The following NDST3 variants were observed in gnomAD, a reference collection of about 807,000 sequenced individuals.
The protein encoded by NDST3 is bifunctional heparan sulfate N-deacetylase/N-sulfotransferase 3.
In NDST3, 58 loss-of-function variants were observed where a neutral mutation model predicts 96.1. The observed-to-expected ratio is 0.60, with a 90% CI of 0.49 to 0.75. The LOEUF (loss-of-function observed/expected upper bound fraction) is 0.75. Ranked by LOEUF, NDST3 falls within the 30% of genes least tolerant of loss-of-function variation. The pLI is 0.00. For missense variants in NDST3, 788 were observed against 1,034.2 expected, an observed-to-expected ratio of 0.76 and a Z score of 3.27; for synonymous variants, 333 against 359.7, an observed-to-expected ratio of 0.93 and a Z score of 0.84.
intron 2 of NDST3, among the ~76,000 whole-genome samples, chr4:118,094,296 T>G (rs1729120099): frequency 1.3e-5 from 2 of 151,876 alleles, no homozygotes; most frequent in South Asian, 4.1e-4. Flanking sequence ...TTCCCCCAAC[T>G]TGCATCCAAA....
chr4:118,238,345 G>T (rs532989878), intron 10 of NDST3, among the ~76,000 whole-genome samples: 1 of 152,008 alleles, frequency 6.6e-6, no homozygotes, highest in Non-Finnish European at 1.5e-5. Context: ...GCACAAAAAC[G>T]ATCACTTTGA....
chr4:118,233,108 G>C lies in NDST3; in HGVS notation c.1916G>C (p.Arg639Thr). 6.2e-7 allele frequency: 1 copy of C among 1,612,500 alleles called. No individual in the cohort carries two copies. Among genetic ancestry groups the C allele is most frequent in the African/African-American group, 1.3e-5 (1 of 75,016 alleles). Residue 639 changes from arginine (R) to threonine (T), a missense_variant, in exon 9 of 14, where the codon AGA (arginine) becomes ACA (threonine). Physicochemically the swap from Arg to Thr is moderately conservative, Grantham distance 71 (BLOSUM62 -1). This residue lies in a region of NDST3 where 490 missense variants were observed against 708.8 expected (regional missense o/e 0.69). Coordinates refer to ENST00000296499, the MANE Select transcript of NDST3 (RefSeq NM_004784.3). ...TTTGAGGAGGTACAGTTCTTTAATA[G>C]AAATAACTACCACAGGGGGATTGAT... ...KTFEEVQFFNRNNYHRGIDWY... is the reference protein window; with the variant it reads ...KTFEEVQFFNTNNYHRGIDWY...
chr4:118,235,612 C>T (rs1740588632), intron 9 of NDST3, among the ~76,000 whole-genome samples: 1 of 152,132 alleles, frequency 6.6e-6, no homozygotes, highest in Non-Finnish European at 1.5e-5. Flanking sequence ...TTTTTCAGAA[C>T]AAGCAAGTTT....
intron 6 of NDST3, among the ~76,000 whole-genome samples, chr4:118,170,651 T>C (rs933171009): frequency 2.0e-5 from 3 of 151,926 alleles, no homozygotes; most frequent in Non-Finnish European, 4.4e-5. Context: ...ATCGCTTGAA[T>C]CCGGGTGGTG....
Position 118,133,417 on chromosome 4 carries a change from G to A in NDST3, c.1225-4637G>A, listed in dbSNP as rs183012488. ...CCTCCCCCACATAAATAGACCCTCC[G>A]CACTTCATGGCCACTGCCGGGAGAT... On this transcript the variant is annotated intron_variant, in intron 4 of 13. Coordinates refer to ENST00000296499, the MANE Select transcript of NDST3 (RefSeq NM_004784.3). 7.2e-5 allele frequency among the ~76,000 whole-genome samples: 11 copies of A among 152,180 alleles called. No individual in the cohort carries two copies. The East Asian group carries it at 1.5e-3, about 21-fold the overall frequency.
intron 2 of NDST3, among the ~76,000 whole-genome samples, chr4:118,073,563 G>A (rs1397693717): frequency 6.6e-6 from 1 of 152,018 alleles, no homozygotes; most frequent in Admixed American, 6.6e-5. Flanking sequence ...GGAGTCAGTA[G>A]TATTATCCAC....
intron 9 of NDST3, among the ~76,000 whole-genome samples, chr4:118,234,086 G>A (rs377380568): frequency 6.6e-6 from 1 of 152,136 alleles, no homozygotes; most frequent in Non-Finnish European, 1.5e-5. Context: ...GATTAATTGT[G>A]TGGTGTTACA....
At chr4:118,056,842 T>C (rs1196292627) in intron 2 of NDST3, among the ~76,000 whole-genome samples, 2 of 151,932 alleles carry the variant, frequency 1.3e-5, no homozygotes, top group Non-Finnish European at 2.9e-5. Context: ...AATAGGTAAA[T>C]AGCTTGCAAC....
chr4:118,161,892 A>C (rs1735172521), intron 6 of NDST3, among the ~76,000 whole-genome samples: 1 of 151,942 alleles, frequency 6.6e-6, no homozygotes, highest in African/African-American at 2.4e-5. Flanking sequence ...TCCTGCGCCC[A>C]CTGTCTGGCA....
intron 12 of NDST3, among the ~76,000 whole-genome samples, chr4:118,248,220 G>A (rs113667725): frequency 2.2e-4 from 33 of 152,042 alleles, no homozygotes; most frequent in South Asian, 8.3e-4. Flanking sequence ...GCGTGGTGGC[G>A]CACACCTGTA....
At chr4:118,137,980 T>C (rs1733255650) in intron 4 of NDST3, 74 bp from the exon 5 acceptor site, 1 of 1,254,896 alleles carries the variant, frequency 8.0e-7, no homozygotes, top group South Asian at 1.6e-5. Flanking sequence ...TTACAGTACA[T>C]TTGAAAATCT....
At position 118,205,063 on chromosome 4, in the gene NDST3, ATTTCT is replaced by A. The variant is rs1255349508; in HGVS notation, c.1540-19423_1540-19419del. The stretch of plus-strand genomic sequence containing the variant: ...TTGTGGAGTTTTTAAATGTTGTTCA[ATTTCT>A]TTTCATTTTAATAATAATATTGTTA... On this transcript the variant is annotated intron_variant, in intron 6 of 13. Transcript: ENST00000296499. 1.4e-5 allele frequency among the ~76,000 whole-genome samples: 2 copies of A among 144,022 alleles called. 1 individual carries two copies. Among genetic ancestry groups the A allele is most frequent in the African/African-American group, 5.1e-5 (2 of 39,080 alleles). The allele number at this position is 144,022 out of a possible 152,430, so 94.5% of individuals were successfully genotyped here.
intron 2 of NDST3, among the ~76,000 whole-genome samples, chr4:118,090,165 C>CTACACCTA (rs1728749340): frequency 6.6e-6 from 1 of 151,954 alleles, no homozygotes; most frequent in South Asian, 2.1e-4. Context: ...TTAAAACCAC[C>CTACACCTA]TATACCTACA....
intron 5 of NDST3, among the ~76,000 whole-genome samples, chr4:118,141,808 T>C (rs367779896): frequency 6.6e-5 from 10 of 152,066 alleles, no homozygotes; most frequent in East Asian, 5.8e-4. Flanking sequence ...AGAAAACATA[T>C]ATCTTTCTGT....
At chr4:118,038,106 G>A (rs1293076509) in intron 1 of NDST3, among the ~76,000 whole-genome samples, 1 of 152,104 alleles carries the variant, frequency 6.6e-6, no homozygotes, top group Non-Finnish European at 1.5e-5. Context: ...TCTAATGAAG[G>A]ACAAAGAAAA....
chr4:118,143,778 C>A (rs888469876), intron 6 of NDST3, 94 bp downstream of exon 6: 127 of 1,333,222 alleles, frequency 9.5e-5, no homozygotes, highest in Admixed American at 3.8e-4. Flanking sequence ...AGTCATCAGC[C>A]AAGCCAATAT....
chr4:118,181,629 A>G (rs937502522), intron 6 of NDST3, among the ~76,000 whole-genome samples: 4 of 152,124 alleles, frequency 2.6e-5, no homozygotes, highest in Non-Finnish European at 5.9e-5. Flanking sequence ...TTCTGACCAT[A>G]GAGCTCTTTT....
chr4:118,169,959 C>T (rs1735822711), intron 6 of NDST3, among the ~76,000 whole-genome samples: 2 of 152,038 alleles, frequency 1.3e-5, no homozygotes, highest in South Asian at 2.1e-4. Flanking sequence ...TCCATGTGAT[C>T]TTTACCGGGG....
intron 6 of NDST3, among the ~76,000 whole-genome samples, chr4:118,149,090 C>T (rs948731604): frequency 6.6e-6 from 1 of 152,060 alleles, no homozygotes; most frequent in African/African-American, 2.4e-5. Flanking sequence ...TTTCTGAGGG[C>T]TCTGTTCTGT....
Sources: allele counts gnomAD v4.1 joint callset (sites outside exome capture counted in the v4.1 genomes callset), GRCh38; gene constraint gnomAD v4.1.1; regional missense constraint gnomAD v4.1.1; transcripts MANE v1.5; gene names NCBI Gene and HGNC (gene_info 2026-07-23, HGNC 2026-07-21).